SPINK5: variants seen among roughly 807,000 people sequenced by gnomAD.
The protein encoded by SPINK5 is serine peptidase inhibitor Kazal type 5, also known as serine protease inhibitor Kazal-type 5.
In SPINK5, 125 loss-of-function variants were observed where a neutral mutation model predicts 151.8. The observed-to-expected ratio is 0.82, with a 90% CI of 0.71 to 0.96. The LOEUF is 0.96. Ranked by LOEUF, SPINK5 falls within the 40% of genes least tolerant of loss-of-function variation. The pLI is 0.00. For synonymous variants in SPINK5, 374 were observed against 395.3 expected, an observed-to-expected ratio of 0.95 and a Z score of 0.64; for missense variants, 1,194 against 1,291.9, an observed-to-expected ratio of 0.92 and a Z score of 1.16.
rs1057520976 is a variant in SPINK5, at chr5:148,065,391, G to C, written c.81+19G>C. ...AGATCAGGTTAGTCCTGCTTTTTCTGTTCATTGAATTCATTCCAAGATTCC... is the reference window on the plus strand; with the variant it reads ...AGATCAGGTTAGTCCTGCTTTTTCTCTTCATTGAATTCATTCCAAGATTCC... On this transcript the variant is annotated intron_variant, in intron 2 of 32. Transcript: ENST00000256084. The C allele has an allele frequency of 1.2e-6, 2 of 1,613,210 alleles. No homozygotes were observed. The highest frequency in any genetic ancestry group is 2.7e-5 in the African/African-American group (2 of 74,996).
intron 21 of SPINK5, among the ~76,000 whole-genome samples, chr5:148,115,579 C>T (rs1328786672): frequency 6.6e-6 from 1 of 152,016 alleles, no homozygotes; most frequent in Non-Finnish European, 1.5e-5. Context: ...GTGGGGGATG[C>T]TGTGAAGGTG....
At chr5:148,077,165 G>T (rs1752904108) in intron 4 of SPINK5, among the ~76,000 whole-genome samples, 1 of 146,860 alleles carries the variant, frequency 6.8e-6, no homozygotes, top group African/African-American at 2.5e-5. Flanking sequence ...TCCACATATG[G>T]CTCATCATGA....
At position 148,089,503 on chromosome 5, in the gene SPINK5, A is replaced by G. The variant is rs754080143; in HGVS notation, c.484A>G (p.Ser162Gly). The G allele has an allele frequency of 1.9e-6, 3 of 1,611,878 alleles. No individual in the cohort carries two copies. The highest frequency in any genetic ancestry group is 1.7e-6 in the Non-Finnish European group (2 of 1,178,560). The change falls in exon 7 of 33, where the codon AGT (serine) becomes GGT (glycine). Residue 162 changes from serine (S) to glycine (G), a missense_variant. Physicochemically the swap from Ser to Gly is moderately conservative, Grantham distance 56. Coordinates refer to ENST00000256084, the MANE Select transcript of SPINK5 (RefSeq NM_006846.4). ...KSSNPEQDVC[S>G]AFRPFVRDGR... ...TTTCCCTGTTCTTCAGGATGTATGC[A>G]GTGCTTTTCGGCCCTTTGTTAGAGA...
intron 15 of SPINK5, among the ~76,000 whole-genome samples, chr5:148,102,429 T>C (rs1753671906): frequency 6.6e-6 from 1 of 152,198 alleles, no homozygotes; most frequent in South Asian, 2.1e-4. Context: ...GAGACAACTA[T>C]GTAAATTGCT....
rs780717268 is a variant in SPINK5, at chr5:148,094,445, T to A, written c.758T>A (p.Met253Lys). 1 of 1,612,810 alleles carries A rather than the reference T, an allele frequency of 6.2e-7. No individual in the cohort carries two copies. The highest frequency in any genetic ancestry group is 1.1e-5 in the South Asian group (1 of 91,066). ...SDPVRGPDGR[M>K]HGNKCALCAE... ...CCAGTCCGTGGCCCTGACGGCAGGA[T>A]GCATGGCAACAAATGTGCCCTGTGT... The change falls in exon 9 of 33, where the codon ATG becomes AAG. Residue 253 changes from methionine (M) to lysine (K), a missense_variant. Physicochemically the swap from Met to Lys is moderately conservative, Grantham distance 95 (BLOSUM62 -1). Transcript: ENST00000256084.
At chr5:148,121,260 A>C (rs1025190989) in intron 26 of SPINK5, among the ~76,000 whole-genome samples, 1 of 151,966 alleles carries the variant, frequency 6.6e-6, no homozygotes, top group Non-Finnish European at 1.5e-5. Context: ...GGTCCTTATA[A>C]ATAGTATTCA....
chr5:148,123,405 T>TAG (rs1455481572), intron 26 of SPINK5, among the ~76,000 whole-genome samples: 125 of 100,348 alleles, frequency 1.2e-3, no homozygotes, highest in African/African-American at 3.8e-3. Flanking sequence ...TATAGATAGA[T>TAG]ATAATATATT....
At chr5:148,086,279 C>G in intron 4 of SPINK5, 126 bp from the exon 5 acceptor site, 1 of 1,158,316 alleles carries the variant, frequency 8.6e-7, no homozygotes, top group Non-Finnish European at 1.2e-6. Flanking sequence ...TCAATGTAGC[C>G]TTCATGATAT....
chr5:148,112,493 T>A (rs1269734661), intron 19 of SPINK5, among the ~76,000 whole-genome samples: 1 of 151,964 alleles, frequency 6.6e-6, no homozygotes, highest in Non-Finnish European at 1.5e-5. Flanking sequence ...GCCAACATGG[T>A]GAAACCCCAC....
intron 27 of SPINK5, among the ~76,000 whole-genome samples, 194 bp downstream of exon 27, chr5:148,124,154 C>T (rs1198672743): frequency 1.3e-5 from 2 of 152,064 alleles, no homozygotes; most frequent in East Asian, 1.9e-4. Flanking sequence ...ATAATCATAC[C>T]CAGAACCTCT....
chr5:148,107,722 A>G (rs1313747863), intron 17 of SPINK5, among the ~76,000 whole-genome samples: 1 of 152,184 alleles, frequency 6.6e-6, no homozygotes. Flanking sequence ...CTAAATGTTT[A>G]CTAAAATGTC....
intron 28 of SPINK5, 39 bp from the exon 29 acceptor site, chr5:148,125,684 G>A: frequency 6.2e-7 from 1 of 1,614,124 alleles, no homozygotes; most frequent in Non-Finnish European, 8.5e-7. Flanking sequence ...AGCCAAAAAG[G>A]GACAAAGCCA....
chr5:148,119,360 G>A (rs146059678), intron 24 of SPINK5, among the ~76,000 whole-genome samples: 6 of 152,256 alleles, frequency 3.9e-5, no homozygotes, highest in African/African-American at 9.6e-5. Context: ...GGAAAATGAG[G>A]TTTTGCAAGT....
At chr5:148,072,911 G>A (rs1752779868) in intron 4 of SPINK5, among the ~76,000 whole-genome samples, 2 of 150,582 alleles carry the variant, frequency 1.3e-5, no homozygotes, top group South Asian at 4.2e-4. Context: ...AAGATAGAAG[G>A]AAGGAAAGAA....
intron 2 of SPINK5, among the ~76,000 whole-genome samples, chr5:148,068,918 T>C (rs1752662155): frequency 6.6e-6 from 1 of 151,950 alleles, no homozygotes; most frequent in Non-Finnish European, 1.5e-5. Context: ...CTGCCCAACA[T>C]GGTGAAATCC....
In SPINK5 at chr5:148,114,501, A is replaced by C. The variant is rs1408280487; in HGVS notation, c.2015+12A>C. 1 of 1,612,968 alleles carries C rather than the reference A, an allele frequency of 6.2e-7. No homozygotes were observed. Among genetic ancestry groups the C allele is most frequent in the African/African-American group, 1.3e-5 (1 of 75,016 alleles). ...TGTAAGGCAGTCTTGTGAGTGCACAAAGAAAACCACTACTGTGGGATGGTG... is the reference window on the plus strand; with the variant it reads ...TGTAAGGCAGTCTTGTGAGTGCACACAGAAAACCACTACTGTGGGATGGTG... On this transcript the variant is annotated intron_variant, in intron 21 of 32. Coordinates refer to ENST00000256084, the MANE Select transcript of SPINK5 (RefSeq NM_006846.4).
rs1752704518 is a variant in SPINK5 at position 148,070,351 on chromosome 5, T to C, written c.110T>C (p.Met37Thr). The C allele has an allele frequency of 5.0e-6, 8 of 1,612,522 alleles. No homozygotes were observed. Among genetic ancestry groups the C allele is most frequent in the Non-Finnish European group, 6.8e-6 (8 of 1,179,168 alleles). ...QEMCHEFQAF[M>T]KNGKLFCPQD... ...ATGTGCCATGAATTTCAGGCATTTA[T>C]GAAAAATGGAAAACTGTTCTGTCCC... Residue 37 changes from methionine to threonine, a missense_variant, in exon 3 of 33, where the codon ATG becomes ACG. Transcript: ENST00000256084.
intron 6 of SPINK5, 159 bp from the exon 7 acceptor site, chr5:148,089,335 T>A: frequency 3.3e-6 from 3 of 904,008 alleles, no homozygotes; most frequent in Middle Eastern, 4.3e-4. Flanking sequence ...TTTAACCACA[T>A]GAATTATAGA....
chr5:148,128,852 A>G (rs1352531683), intron 30 of SPINK5, among the ~76,000 whole-genome samples: 1 of 152,210 alleles, frequency 6.6e-6, no homozygotes, highest in Admixed American at 6.5e-5. Context: ...TGCTAGGTTA[A>G]TAGCCATAAA....
Sources: gnomAD v4.1 joint callset for allele counts (sites outside exome capture counted in the v4.1 genomes callset) on GRCh38, gnomAD v4.1.1 for gene constraint, MANE v1.5 for transcripts, NCBI Gene and HGNC (gene_info 2026-07-23, HGNC 2026-07-21) for gene names.